LRPPRC: variants seen among roughly 807,000 people sequenced by gnomAD.
LRPPRC encodes leucine-rich PPR motif-containing protein, mitochondrial.
Under a neutral mutation model 180.3 loss-of-function variants are expected in LRPPRC, and 120 were observed. The observed-to-expected ratio is 0.67, with a 90% confidence interval of 0.57 to 0.77. The LOEUF is 0.77. Among genes scored for constraint, LRPPRC ranks in the 30% least tolerant of loss-of-function variants. LRPPRC has a pLI of 0.00. For missense variants in LRPPRC, 2,012 were observed against 1,657.2 expected (o/e 1.21, Z -3.72); for synonymous variants, 723 against 600.0 (o/e 1.21, Z -3.00).
chr2:43,986,696 C>T (rs958997824), intron 1 of LRPPRC, among the ~76,000 whole-genome samples: 8 of 97,678 alleles, frequency 8.2e-5, no homozygotes, highest in Admixed American at 3.8e-4. Flanking sequence ...AGCACTCAGA[C>T]GGTCTCATTC....
At position 43,899,244 on chromosome 2, in the gene LRPPRC, A is replaced by G; in HGVS notation, c.3800T>C (p.Val1267Ala). The G allele has an allele frequency of 6.2e-7, 1 of 1,613,940 alleles. No individual in the cohort carries two copies. The highest frequency in any genetic ancestry group is 1.1e-5 in the South Asian group (1 of 91,072). The change falls in exon 34 of 38, where the codon GTG becomes GCG. Residue 1267 changes from valine to alanine, a missense_variant. Physicochemically the swap from Val to Ala is moderately conservative, Grantham distance 64. Transcript: ENST00000260665. ...FFLQLVDAGK[V>A]DDARALLQRC... Reference sequence around the variant, plus strand: ...CTGTAGGAGAGCTCTGGCATCATCCACCTTGCCTGCATCCACAAGTTGAAG... The same window carrying G: ...CTGTAGGAGAGCTCTGGCATCATCCGCCTTGCCTGCATCCACAAGTTGAAG...
At chr2:43,979,375 A>G (rs1003923840) in intron 3 of LRPPRC, among the ~76,000 whole-genome samples, 38 of 152,290 alleles carry the variant, frequency 2.5e-4, no homozygotes, top group African/African-American at 7.9e-4. Flanking sequence ...ACAGTTACAC[A>G]GTAATCTATT....
intron 13 of LRPPRC, among the ~76,000 whole-genome samples, chr2:43,960,095 T>G (rs1469578208): frequency 6.6e-6 from 1 of 152,204 alleles, no homozygotes; most frequent in Non-Finnish European, 1.5e-5. Context: ...AGTAAACATT[T>G]GCTGTGTTTT....
intron 23 of LRPPRC, among the ~76,000 whole-genome samples, chr2:43,937,598 T>C (rs1204631525): frequency 6.6e-6 from 1 of 152,218 alleles, no homozygotes; most frequent in African/African-American, 2.4e-5. Context: ...CCATCCCAAC[T>C]GATAAGAGTA....
Position 43,918,401 on chromosome 2 carries a change from G to A in LRPPRC, c.2897-3C>T, listed in dbSNP as rs773784726. On this transcript the variant is annotated splice_polypyrimidine_tract_variant and splice_region_variant and intron_variant, in intron 27 of 37. Coordinates refer to ENST00000260665, the MANE Select transcript of LRPPRC (RefSeq NM_133259.4). ...TCTTTGCCAGTCACCGTTTATTTCT[G>A]TAGAATTTGATTAAGCAGAAATTAA... is the stretch of plus-strand genomic sequence containing the variant. 8.1e-6 allele frequency: 13 copies of A among 1,603,488 alleles called. No homozygotes were observed. Among genetic ancestry groups the A allele is most frequent in the Non-Finnish European group, 1.0e-5 (12 of 1,170,756 alleles).
At chr2:43,917,801 A>G (rs550923815) in intron 29 of LRPPRC, among the ~76,000 whole-genome samples, 6 of 152,066 alleles carry the variant, frequency 3.9e-5, no homozygotes, top group South Asian at 4.1e-4. Context: ...AAAAAATAAT[A>G]AAAAGAGTAA....
Position 43,905,748 on chromosome 2 carries a change from T to C in LRPPRC, c.3308A>G (p.Asn1103Ser). ...GATGAGGCGGCTGTTGGCAGCATCG[T>C]TCAGTGTGAAGCCCTTGATGTGGGT... is the stretch of plus-strand genomic sequence containing the variant. ...AETHIKGFTL[N>S]DAANSRLIIT... is the part of the protein sequence containing the mutation. Residue 1103 changes from asparagine (N) to serine (S), a missense_variant, in exon 31 of 38, where the codon AAC becomes AGC. By Grantham distance (46) the Asn-to-Ser change is conservative. Coordinates refer to ENST00000260665, the MANE Select transcript of LRPPRC (RefSeq NM_133259.4). 6.2e-7 allele frequency: 1 copy of C among 1,614,002 alleles called. No homozygotes were observed. The highest frequency in any genetic ancestry group is 1.6e-4 in the Middle Eastern group (1 of 6,062).
intron 1 of LRPPRC, among the ~76,000 whole-genome samples, chr2:43,989,287 T>TA (rs1674667995): frequency 6.6e-6 from 1 of 152,182 alleles, no homozygotes; most frequent in Admixed American, 6.5e-5. Flanking sequence ...AATTTTAGAC[T>TA]AAAAAAGCTA....
intron 29 of LRPPRC, among the ~76,000 whole-genome samples, chr2:43,916,168 CTT>C (rs776661794): frequency 9.8e-5 from 15 of 152,302 alleles, no homozygotes; most frequent in East Asian, 9.6e-4. Flanking sequence ...AAAAAATTCT[CTT>C]GTGTTTATTT....
chr2:43,996,120 A>G (rs1043285974), upstream of LRPPRC: 5 of 573,562 alleles, frequency 8.7e-6, no homozygotes, highest in African/African-American at 9.9e-5. Context: ...CGAGGACAGA[A>G]GACCCAATGT....
chr2:43,946,014 T>A, intron 21 of LRPPRC, 99 bp downstream of exon 21: 1 of 1,261,084 alleles, frequency 7.9e-7, no homozygotes, highest in East Asian at 2.3e-5. Flanking sequence ...TTTTTAAAAA[T>A]GACATTATAT....
chr2:43,947,058 C>T (rs1238808496), intron 20 of LRPPRC, among the ~76,000 whole-genome samples, 199 bp downstream of exon 20: 1 of 151,996 alleles, frequency 6.6e-6, no homozygotes, highest in African/African-American at 2.4e-5. Context: ...TGCAGATTAT[C>T]GTAAACAAAC....
At chr2:43,979,371 A>G (rs1456886509) in intron 3 of LRPPRC, among the ~76,000 whole-genome samples, 1 of 152,170 alleles carries the variant, frequency 6.6e-6, no homozygotes, top group Non-Finnish European at 1.5e-5. Context: ...TAAAACAGTT[A>G]CACAGTAATC....
At chr2:43,969,300 T>C (rs1394549968) in intron 11 of LRPPRC, among the ~76,000 whole-genome samples, 1 of 151,548 alleles carries the variant, frequency 6.6e-6, no homozygotes, top group Non-Finnish European at 1.5e-5. Context: ...TAGTCCCAGC[T>C]ACTTGGGAGG....
intron 30 of LRPPRC, among the ~76,000 whole-genome samples, chr2:43,910,732 C>CAG (rs1370834184): frequency 6.6e-6 from 1 of 152,092 alleles, no homozygotes; most frequent in Admixed American, 6.5e-5. Flanking sequence ...TTGGCTGAAT[C>CAG]AGAATCTTTG....
rs140327132 is a variant in LRPPRC at position 43,927,303 on chromosome 2, G to C, written c.2737-1342C>G. On this transcript the variant is annotated intron_variant, in intron 25 of 37. Coordinates refer to ENST00000260665, the MANE Select transcript of LRPPRC (RefSeq NM_133259.4). ...ATTTTTAATTTTAAAAAATAACATT[G>C]TACAACGTTAAATTAAGAACTGAAG... 5.8e-4 allele frequency among the ~76,000 whole-genome samples: 89 copies of C among 152,228 alleles called. No homozygotes were observed. In the East Asian group the frequency reaches 0.016, roughly 27 times the overall value.
chr2:43,956,347 T>C (rs1443402553), intron 14 of LRPPRC, among the ~76,000 whole-genome samples: 2 of 152,190 alleles, frequency 1.3e-5, no homozygotes, highest in East Asian at 1.9e-4. Context: ...GGTACAGTAT[T>C]GTTAATTTTT....
chr2:43,973,932 T>C (rs1275481331), intron 9 of LRPPRC, 32 bp from the exon 10 acceptor site: 4 of 1,322,476 alleles, frequency 3.0e-6, no homozygotes, highest in African/African-American at 1.4e-5. Flanking sequence ...ATTAGCTGGA[T>C]TGGCAAACAC....
At chr2:43,980,759 A>G (rs546613605) in intron 2 of LRPPRC, among the ~76,000 whole-genome samples, 9 of 152,318 alleles carry the variant, frequency 5.9e-5, no homozygotes, top group East Asian at 3.9e-4. Flanking sequence ...TAAACCACTT[A>G]GTATGATTCC....
Sources: gnomAD v4.1 joint callset for allele counts (sites outside exome capture counted in the v4.1 genomes callset) on GRCh38, gnomAD v4.1.1 for gene constraint, MANE v1.5 for transcripts, NCBI Gene and HGNC (gene_info 2026-07-23, HGNC 2026-07-21) for gene names.